GOLM2: variants seen among roughly 807,000 people sequenced by gnomAD.
The protein encoded by GOLM2 is golgi membrane protein 2, also known as protein GOLM2.
A neutral mutation model predicts 55.9 loss-of-function variants in GOLM2; 26 were observed. The observed-to-expected ratio is 0.47, with a 90% CI of 0.34 to 0.65. GOLM2 has a LOEUF of 0.65. GOLM2 is among the 30% of genes least tolerant of loss of function. The pLI is 0.01. For synonymous variants in GOLM2, 165 were observed against 194.6 expected, an observed-to-expected ratio of 0.85 and a Z score of 1.27; for missense variants, 486 against 531.8, an observed-to-expected ratio of 0.91 and a Z score of 0.85.
At chr15:44,388,502 C>T (rs1033043376) in intron 8 of GOLM2, among the ~76,000 whole-genome samples, 7 of 152,076 alleles carry the variant, frequency 4.6e-5, no homozygotes, top group African/African-American at 9.7e-5. Context: ...GGTGAAACCC[C>T]GTCTCTACAA....
chr15:44,385,517 G>A (rs557392864), intron 8 of GOLM2, among the ~76,000 whole-genome samples: 1 of 151,876 alleles, frequency 6.6e-6, no homozygotes, highest in South Asian at 2.1e-4. Context: ...ATCATCTTTG[G>A]AGAATTGTTC....
intron 6 of GOLM2, 141 bp downstream of exon 6, chr15:44,338,458 T>A: frequency 1.6e-6 from 1 of 640,058 alleles, no homozygotes; most frequent in Non-Finnish European, 2.6e-6. Flanking sequence ...ACCCATTAAT[T>A]GCCAGGACTT....
intron 1 of GOLM2, among the ~76,000 whole-genome samples, chr15:44,303,591 G>A (rs1175001704): frequency 6.6e-6 from 1 of 151,832 alleles, no homozygotes; most frequent in Non-Finnish European, 1.5e-5. Context: ...TTGGTGACAG[G>A]GTCTCATTCT....
At chr15:44,397,295 C>T (rs149117179) in intron 8 of GOLM2, among the ~76,000 whole-genome samples, 4,109 of 151,788 alleles carry the variant, frequency 0.027, 96 homozygotes, top group East Asian at 0.1. Context: ...CTGGCTAACA[C>T]GGTGAAACCC....
intron 1 of GOLM2, among the ~76,000 whole-genome samples, chr15:44,296,744 T>C (rs1034126636): frequency 1.3e-5 from 2 of 152,156 alleles, no homozygotes; most frequent in African/African-American, 4.8e-5. Context: ...TGCTCCTGAA[T>C]GTCTGACTGT....
At chr15:44,405,859 T>C (rs1184243575) in intron 9 of GOLM2, among the ~76,000 whole-genome samples, 1 of 152,058 alleles carries the variant, frequency 6.6e-6, no homozygotes, top group Non-Finnish European at 1.5e-5. Context: ...TGACCTCAAG[T>C]GATCCACCCG....
intron 8 of GOLM2, chr15:44,389,967 A>G (rs944817838): frequency 1.3e-5 from 2 of 152,318 alleles, no homozygotes; most frequent in South Asian, 2.1e-4. Flanking sequence ...GGCATGAGCC[A>G]CCATTCCTGA....
At chr15:44,409,299 A>C (rs1308826971) in intron 9 of GOLM2, among the ~76,000 whole-genome samples, 4 of 148,890 alleles carry the variant, frequency 2.7e-5, no homozygotes, top group Non-Finnish European at 5.9e-5. Flanking sequence ...AAAAAAGCCC[A>C]AAAAGTGGCT....
At chr15:44,304,171 G>A (rs977475751) in intron 1 of GOLM2, among the ~76,000 whole-genome samples, 1 of 149,724 alleles carries the variant, frequency 6.7e-6, no homozygotes, top group Admixed American at 6.7e-5. Context: ...ACCATGCCTG[G>A]CCTATTCAAG....
chr15:44,337,920 T>C lies in GOLM2; in HGVS notation c.721+13T>C. On this transcript the variant is annotated intron_variant, in intron 5 of 9. Transcript: ENST00000299957. ...CCACATGGGAAAGGTATTATTGTTATTATTCTTTTGTTTTGTATTAATAGG... is the reference window on the plus strand; with the variant it reads ...CCACATGGGAAAGGTATTATTGTTACTATTCTTTTGTTTTGTATTAATAGG... 2.5e-6 allele frequency: 4 copies of C among 1,577,282 alleles called. No homozygotes were observed. The highest frequency in any genetic ancestry group is 3.4e-6 in the Non-Finnish European group (4 of 1,169,158).
chr15:44,322,534 G>T (rs1189705930), intron 1 of GOLM2, among the ~76,000 whole-genome samples: 1 of 152,064 alleles, frequency 6.6e-6, no homozygotes, highest in African/African-American at 2.4e-5. Flanking sequence ...GAGACAGAGT[G>T]GTTAGTTCCC....
intron 1 of GOLM2, among the ~76,000 whole-genome samples, chr15:44,308,949 A>T (rs1005730929): frequency 6.6e-6 from 1 of 152,210 alleles, no homozygotes; most frequent in Non-Finnish European, 1.5e-5. Flanking sequence ...ACAATGAACA[A>T]CCTGTTTTAA....
chr15:44,373,753 T>C (rs1178281100), intron 6 of GOLM2, among the ~76,000 whole-genome samples: 1 of 151,690 alleles, frequency 6.6e-6, no homozygotes, highest in Non-Finnish European at 1.5e-5. Context: ...GACTCCATCT[T>C]GAAAAAACAA....
intron 1 of GOLM2, among the ~76,000 whole-genome samples, chr15:44,295,910 C>CCACACACACACACACA (rs2078752898): frequency 1.5e-5 from 2 of 137,344 alleles, no homozygotes; most frequent in African/African-American, 6.7e-5. Flanking sequence ...GGGAGATCCA[C>CCACACACACACACACA]CACACATACA....
At chr15:44,299,879 G>T (rs932104300) in intron 1 of GOLM2, among the ~76,000 whole-genome samples, 2 of 142,402 alleles carry the variant, frequency 1.4e-5, no homozygotes, top group Non-Finnish European at 3.0e-5. Flanking sequence ...GCTGAGGCAG[G>T]AGGATCATGT....
At chr15:44,374,211 T>A (rs1240270954) in intron 6 of GOLM2, among the ~76,000 whole-genome samples, 1 of 152,224 alleles carries the variant, frequency 6.6e-6, no homozygotes, top group Non-Finnish European at 1.5e-5. Context: ...AAAAACTATA[T>A]GCTCTAATGG....
Position 44,380,961 on chromosome 15 carries a change from C to T in GOLM2, c.1057C>T (p.His353Tyr), listed in dbSNP as rs1236177588. The T allele has an allele frequency of 2.6e-6, 4 of 1,559,996 alleles. No individual in the cohort carries two copies. The highest frequency in any genetic ancestry group is 1.7e-4 in the Middle Eastern group (1 of 5,884). ...QATKDRVSDFHKLKQSRFFDE... is the reference protein window; with the variant it reads ...QATKDRVSDFYKLKQSRFFDE... Reference sequence around the variant, plus strand: ...TACCAAGGACAGAGTCAGTGATTTCCATAAATTGAAGCAAAGTAAGAATCA... The same window carrying T: ...TACCAAGGACAGAGTCAGTGATTTCTATAAATTGAAGCAAAGTAAGAATCA... Residue 353 changes from histidine to tyrosine, a missense_variant, in exon 8 of 10, where the codon CAT becomes TAT. Transcript: ENST00000299957.
At chr15:44,381,055 C>T (rs992568286) in intron 8 of GOLM2, 79 bp downstream of exon 8, 1 of 859,732 alleles carries the variant, frequency 1.2e-6, no homozygotes, top group Non-Finnish European at 1.6e-6. Flanking sequence ...TTATTCTGCT[C>T]TCTAATAAAT....
chr15:44,400,571 C>T (rs1157875639), intron 8 of GOLM2, among the ~76,000 whole-genome samples: 2 of 145,036 alleles, frequency 1.4e-5, no homozygotes, highest in African/African-American at 2.5e-5. Flanking sequence ...CCCGCCTTGC[C>T]GCCTTTTTTT....
Sources: gnomAD v4.1 joint callset for allele counts (sites outside exome capture counted in the v4.1 genomes callset) on GRCh38, gnomAD v4.1.1 for gene constraint, MANE v1.5 for transcripts, NCBI Gene and HGNC (gene_info 2026-07-23, HGNC 2026-07-21) for gene names.